ZNF469: variants seen among roughly 807,000 people sequenced by gnomAD.
ZNF469 encodes the protein zinc finger protein 469.
Under a neutral mutation model 1.0 loss-of-function variants are expected in ZNF469, and 1 was observed. That is an observed-to-expected ratio of 1.00 (90% CI 0.35 to 4.73). ZNF469 has a LOEUF of 4.73. Ranked by LOEUF, ZNF469 falls within the 30% of genes most tolerant of loss-of-function variation. The pLI, the probability that ZNF469 is intolerant of heterozygous loss-of-function variation, is 0.16. For synonymous variants in ZNF469, 2,703 were observed against 2,363.4 expected, an observed-to-expected ratio of 1.14 and a Z score of -4.17; for missense variants, 6,100 against 5,356.3, an observed-to-expected ratio of 1.14 and a Z score of -4.33.
the ZNF469 span, among the ~76,000 whole-genome samples, chr16:88,111,509 GTACC>G: frequency 0.1 from 3,343 of 32,716 alleles, 116 homozygotes; most frequent in African/African-American, 0.17. Flanking sequence ...CTGTCTTTTT[GTACC>G]CATTAACATC....
At chr16:88,153,474 T>A in the ZNF469 span, among the ~76,000 whole-genome samples, 1 of 152,232 alleles carries the variant, frequency 6.6e-6, no homozygotes, top group Admixed American at 6.5e-5. Flanking sequence ...AATTTACCCA[T>A]TGCCCTGAGG....
At chr16:88,191,979 A>T in the ZNF469 span, among the ~76,000 whole-genome samples, 3 of 152,146 alleles carry the variant, frequency 2.0e-5, no homozygotes, top group Non-Finnish European at 2.9e-5. Flanking sequence ...TTGGAGGGTG[A>T]TTAAGTTTAG....
At chr16:88,415,798 C>T (rs1407610162) in intron 1 of ZNF469, among the ~76,000 whole-genome samples, 6 of 152,326 alleles carry the variant, frequency 3.9e-5, no homozygotes, top group Non-Finnish European at 1.5e-5. Context: ...TTCTTCCAGG[C>T]GTGTAGCTCC....
chr16:88,232,970 C>T, the ZNF469 span, among the ~76,000 whole-genome samples: 5 of 152,202 alleles, frequency 3.3e-5, no homozygotes, highest in Non-Finnish European at 7.4e-5. Context: ...CAGCCGGGTG[C>T]AGGCTGGCTG....
the ZNF469 span, among the ~76,000 whole-genome samples, chr16:88,243,052 C>G: frequency 1.4e-4 from 21 of 152,190 alleles, no homozygotes; most frequent in Non-Finnish European, 2.8e-4. Flanking sequence ...GCTGGCCAGC[C>G]CGGGTATTCT....
chr16:88,211,889 C>T, the ZNF469 span, among the ~76,000 whole-genome samples: 235 of 152,286 alleles, frequency 1.5e-3, 1 homozygote, highest in African/African-American at 5.3e-3. Flanking sequence ...AGCACCATTC[C>T]CTTCACCCAT....
At chr16:88,257,382 G>C in the ZNF469 span, among the ~76,000 whole-genome samples, 1 of 151,924 alleles carries the variant, frequency 6.6e-6, no homozygotes, top group African/African-American at 2.4e-5. Flanking sequence ...TTGAGTTTTA[G>C]GAATTCTTTG....
At position 88,434,286 on chromosome 16, in the gene ZNF469, T is replaced by C; in HGVS notation, c.6816T>C (p.Pro2272=). 2 of 1,550,322 alleles carry C rather than the reference T, an allele frequency of 1.3e-6. No homozygotes were observed. The highest frequency in any genetic ancestry group is 1.7e-6 in the Non-Finnish European group (2 of 1,146,952). ...CTCCTGGCCGAGCCACCTCTCCTCC[T>C]CTGGCAGGGGCCGTCTCCCCCAGCG... ...WESPGRATSP[P]LAGAVSPSVA... The change falls in exon 3 of 3, where the codon CCT becomes CCC. Residue 2272 remains proline (P), a synonymous_variant. Transcript: ENST00000565624.
the ZNF469 span, among the ~76,000 whole-genome samples, chr16:88,296,807 A>G: frequency 6.6e-6 from 1 of 152,056 alleles, no homozygotes; most frequent in Non-Finnish European, 1.5e-5. Context: ...ATGGTAGTGC[A>G]CACACATGCT....
chr16:88,123,221 G>C, the ZNF469 span, among the ~76,000 whole-genome samples: 1 of 152,122 alleles, frequency 6.6e-6, no homozygotes, highest in Non-Finnish European at 1.5e-5. Flanking sequence ...GCTTGGATGA[G>C]ACGGTTTTCC....
chr16:88,165,866 C>T, the ZNF469 span, among the ~76,000 whole-genome samples: 22 of 152,324 alleles, frequency 1.4e-4, no homozygotes, highest in Admixed American at 9.1e-4. Context: ...TGGGATCCTG[C>T]GGCATTTGTC....
the ZNF469 span, among the ~76,000 whole-genome samples, chr16:88,221,371 T>A: frequency 5.9e-5 from 9 of 152,180 alleles, no homozygotes; most frequent in Non-Finnish European, 1.5e-5. Context: ...TGGGCCACTA[T>A]CGTGCCTGGC....
chr16:88,289,656 T>C, the ZNF469 span, among the ~76,000 whole-genome samples: 3 of 152,080 alleles, frequency 2.0e-5, no homozygotes, highest in African/African-American at 7.2e-5. Context: ...TTGTGAGTGG[T>C]GGAGCTGGGA....
At chr16:88,347,047 A>T in the ZNF469 span, among the ~76,000 whole-genome samples, 2 of 152,056 alleles carry the variant, frequency 1.3e-5, no homozygotes, top group Non-Finnish European at 2.9e-5. Context: ...ACAGGGAAAG[A>T]GCAGAAATGT....
At chr16:88,248,152 C>T in the ZNF469 span, among the ~76,000 whole-genome samples, 1 of 152,014 alleles carries the variant, frequency 6.6e-6, no homozygotes, top group South Asian at 2.1e-4. Flanking sequence ...CAGTGGGATA[C>T]ACAAGGAGAG....
the ZNF469 span, among the ~76,000 whole-genome samples, chr16:88,325,878 C>T: frequency 6.6e-6 from 1 of 152,254 alleles, no homozygotes; most frequent in Non-Finnish European, 1.5e-5. Context: ...CGGTGCTCTG[C>T]CCCCTTAGAC....
the ZNF469 span, among the ~76,000 whole-genome samples, chr16:88,135,920 C>T: frequency 7.8e-4 from 118 of 151,956 alleles, no homozygotes; most frequent in Non-Finnish European, 1.5e-3. Context: ...GCCAACACGC[C>T]CGGCTAATTT....
intron 1 of ZNF469, among the ~76,000 whole-genome samples, chr16:88,408,922 C>T (rs1047696776): frequency 2.6e-5 from 4 of 151,552 alleles, no homozygotes; most frequent in African/African-American, 4.8e-5. Context: ...CATAGGGAAG[C>T]GGGGAGGGAG....
chr16:88,334,637 T>G, the ZNF469 span, among the ~76,000 whole-genome samples: 95 of 152,232 alleles, frequency 6.2e-4, no homozygotes, highest in African/African-American at 2.3e-3. Flanking sequence ...AGCCGATGAC[T>G]GTGGCCTTAT....
Sources: allele counts gnomAD v4.1 joint callset (sites outside exome capture counted in the v4.1 genomes callset), GRCh38; gene constraint gnomAD v4.1.1; transcripts MANE v1.5; gene names NCBI Gene and HGNC (gene_info 2026-07-23, HGNC 2026-07-21).